POMGNT1: variants seen among roughly 807,000 people sequenced by gnomAD.
The protein encoded by POMGNT1 is protein O-linked-mannose beta-1,2-N-acetylglucosaminyltransferase 1.
Under a neutral mutation model 95.6 loss-of-function variants are expected in POMGNT1, and 67 were observed. The observed-to-expected ratio is 0.70, with a 90% CI of 0.58 to 0.86. The LOEUF is 0.86. POMGNT1 is among the 40% of genes least tolerant of loss of function. POMGNT1 has a pLI of 0.00. For synonymous variants in POMGNT1, 298 were observed against 317.9 expected (o/e 0.94, Z 0.66); for missense variants, 719 against 855.2 (o/e 0.84, Z 1.99).
chr1:46,210,278 T>G (rs191074544), intron 1 of POMGNT1, among the ~76,000 whole-genome samples: 69 of 152,294 alleles, frequency 4.5e-4, no homozygotes, highest in Middle Eastern at 3.4e-3. Context: ...GTGTGTGTGT[T>G]TTTTTAATTT....
At chr1:46,195,007 G>A (rs1658116932) in intron 6 of POMGNT1, 46 bp from the exon 7 acceptor site, 1 of 1,583,092 alleles carries the variant, frequency 6.3e-7, no homozygotes. Context: ...ATGGTTCCAG[G>A]AGACCTGGCC....
intron 1 of POMGNT1, among the ~76,000 whole-genome samples, chr1:46,208,595 C>T (rs1214781924): frequency 1.3e-5 from 2 of 152,170 alleles, no homozygotes; most frequent in African/African-American, 4.8e-5. Context: ...GTAATCCCAG[C>T]ATTTTGGGAG....
At chr1:46,192,992 G>A (rs761272203) in intron 13 of POMGNT1, 34 bp from the exon 14 acceptor site, 1 of 1,612,588 alleles carries the variant, frequency 6.2e-7, no homozygotes, top group South Asian at 1.1e-5. Context: ...GGTCCCAAAG[G>A]GGTCTCTCCA....
intron 6 of POMGNT1, 75 bp from the exon 7 acceptor site, chr1:46,195,036 G>C (rs564891289): frequency 7.6e-7 from 1 of 1,315,168 alleles, no homozygotes; most frequent in Non-Finnish European, 1.1e-6. Flanking sequence ...CACGAACTAT[G>C]TAGCAACCTT....
chr1:46,195,779 G>C (rs1658182592), intron 6 of POMGNT1, 32 bp downstream of exon 6: 1 of 1,548,998 alleles, frequency 6.5e-7, no homozygotes, highest in South Asian at 1.2e-5. Flanking sequence ...GAGCTAGGGA[G>C]TAGGGGTCAG....
chr1:46,189,101 G>T lies in POMGNT1; in HGVS notation c.*169C>A. 1 of 1,501,122 alleles carries T rather than the reference G, an allele frequency of 6.7e-7. No homozygotes were observed. Among genetic ancestry groups the T allele is most frequent in the Non-Finnish European group, 8.9e-7 (1 of 1,129,268 alleles). The allele number at this position is 1,501,122 out of a possible 1,614,324, so 93.0% of individuals were successfully genotyped here. On this transcript the variant is annotated 3_prime_UTR_variant, in exon 22 of 22. Coordinates refer to ENST00000371984, the MANE Select transcript of POMGNT1 (RefSeq NM_017739.4). ...AAATAGACTTTTAACTCAGGAACGGGGTGTTGGAGCAGGGGAACCCTCCCC... is the reference window on the plus strand; with the variant it reads ...AAATAGACTTTTAACTCAGGAACGGTGTGTTGGAGCAGGGGAACCCTCCCC...
In POMGNT1 at chr1:46,193,942, G is replaced by A. The variant is rs770913720; in HGVS notation, c.880-17C>T. ...GTCTGGGAGCTGTGGGAGAAATAGC[G>A]TTTAGCTCTTGCCTTATTCCCCCTT... On this transcript the variant is annotated splice_polypyrimidine_tract_variant and intron_variant, in intron 9 of 21. Transcript: ENST00000371984. The A allele has an allele frequency of 1.2e-5, 19 of 1,613,738 alleles. No individual in the cohort carries two copies. The highest frequency in any genetic ancestry group is 4.0e-5 in the African/African-American group (3 of 74,908).
In POMGNT1 at chr1:46,210,059, A is replaced by G. The variant is rs558736026; in HGVS notation, c.-51+9646T>C. ...GTACAGTCTGATATTGCAGTTATTT[A>G]TGTTCATCTCCCCTTATTGAGACTG... On this transcript the variant is annotated intron_variant, in intron 1 of 22. Transcript: ENST00000371992. Among the ~76,000 whole-genome samples, 5 of 152,268 alleles carry G rather than the reference A, an allele frequency of 3.3e-5. No individual in the cohort carries two copies. In the East Asian group the frequency reaches 9.6e-4, roughly 29 times the overall value.
intron 1 of POMGNT1, among the ~76,000 whole-genome samples, chr1:46,219,477 A>G (rs944647080): frequency 6.6e-6 from 1 of 152,192 alleles, no homozygotes; most frequent in African/African-American, 2.4e-5. Context: ...CTGTTTTACA[A>G]ACAAAGAGAC....
At position 46,194,296 on chromosome 1, in the gene POMGNT1, G is replaced by T. The variant is rs1164161791; in HGVS notation, c.857C>A (p.Pro286His). 5.0e-6 allele frequency: 8 copies of T among 1,614,162 alleles called. No individual in the cohort carries two copies. In the East Asian group the frequency reaches 1.6e-4, roughly 31 times the overall value. The change falls in exon 9 of 22, where the codon CCC (proline) becomes CAC (histidine). Residue 286 changes from proline to histidine, a missense_variant. Around this residue, in one of 5 missense-constraint regions of POMGNT1, gnomAD observed 466 missense variants for 517.4 expected, o/e 0.90. Transcript: ENST00000371984. ...GSVCSCKDPT[P>H]IEFSPDPLPD... ...CACTGGGTCAGGGCTGAACTCGATG[G>T]GTGTGGGGTCCTTGCAGCTGCATAC...
At position 46,207,389 on chromosome 1, in the gene POMGNT1, C is replaced by T. The variant is rs150646841; in HGVS notation, c.-50-9518G>A. Among the ~76,000 whole-genome samples, 242 of 151,386 alleles carry T rather than the reference C, an allele frequency of 1.6e-3. 1 individual carries two copies. The highest frequency in any genetic ancestry group is 2.3e-3 in the Non-Finnish European group (156 of 67,776). ...GCCACTGCGCCCATCCTAGCTGAGT[C>T]CTTCTTAACCTTAAATTTTCAGCTC... On this transcript the variant is annotated intron_variant, in intron 1 of 22. Coordinates refer to the POMGNT1 transcript ENST00000371992.
intron 1 of POMGNT1, among the ~76,000 whole-genome samples, chr1:46,218,207 C>T (rs900218582): frequency 6.6e-6 from 1 of 152,112 alleles, no homozygotes; most frequent in Non-Finnish European, 1.5e-5. Flanking sequence ...ACCTGGGCAA[C>T]AAGGTGAGAC....
chr1:46,213,935 T>C (rs1658981477), intron 1 of POMGNT1, among the ~76,000 whole-genome samples: 1 of 151,716 alleles, frequency 6.6e-6, no homozygotes, highest in South Asian at 2.1e-4. Context: ...AGGCTCAGAG[T>C]TGGCAAGCTT....
In POMGNT1 at chr1:46,188,858, G is replaced by A; in HGVS notation, c.*412C>T. Reference sequence around the variant, plus strand: ...TGGGTTGGGCACAGCAGTTTCCTGAGTAAGAGCCAGCCCCACCCTCAGGGC... The same window carrying A: ...TGGGTTGGGCACAGCAGTTTCCTGAATAAGAGCCAGCCCCACCCTCAGGGC... On this transcript the variant is annotated 3_prime_UTR_variant, in exon 22 of 22. Transcript: ENST00000371984. 6.2e-7 allele frequency: 1 copy of A among 1,612,894 alleles called. No individual in the cohort carries two copies. Among genetic ancestry groups the A allele is most frequent in the Non-Finnish European group, 8.5e-7 (1 of 1,179,890 alleles).
intron 2 of POMGNT1, 34 bp downstream of exon 2, chr1:46,197,668 C>T (rs1479953399): frequency 3.1e-6 from 5 of 1,613,446 alleles, no homozygotes; most frequent in East Asian, 2.2e-5. Flanking sequence ...TGGGAGGGAG[C>T]GCTCGGTGGG....
In POMGNT1 at chr1:46,188,964, T is replaced by G; in HGVS notation, c.*306A>C. 6.2e-7 allele frequency: 1 copy of G among 1,611,050 alleles called. No homozygotes were observed. Among genetic ancestry groups the G allele is most frequent in the African/African-American group, 1.3e-5 (1 of 74,986 alleles). ...CCCTCAGGACAGTCAATAAATAGGT[T>G]AGATTCTGAGCCAGGCCTGGAAAGT... is the stretch of plus-strand genomic sequence containing the variant. On this transcript the variant is annotated 3_prime_UTR_variant, in exon 22 of 22. Transcript: ENST00000371984.
At chr1:46,209,549 CTT>C (rs397745964) in intron 1 of POMGNT1, among the ~76,000 whole-genome samples, 2 of 127,540 alleles carry the variant, frequency 1.6e-5, no homozygotes, top group Non-Finnish European at 1.7e-5. Flanking sequence ...TTTTTTTTTT[CTT>C]TTTTTTTTTT....
Position 46,196,765 on chromosome 1 carries a change from C to T in POMGNT1, c.320G>A (p.Arg107His), listed in dbSNP as rs527454065. ...ATCCACTGCCACATATACTTTGCTGCGACTTGAATACACCTCTACGTCCAG... is the reference window on the plus strand; with the variant it reads ...ATCCACTGCCACATATACTTTGCTGTGACTTGAATACACCTCTACGTCCAG... Reference protein sequence around the residue: ...RVLDVEVYSSRSKVYVAVDGT... With the variant: ...RVLDVEVYSSHSKVYVAVDGT... The change falls in exon 4 of 22, where the codon CGC becomes CAC. Residue 107 changes from arginine to histidine, a missense_variant. By Grantham distance (29) the Arg-to-His change is conservative. This residue lies in a region of POMGNT1 where 466 missense variants were observed against 517.4 expected (regional missense o/e 0.90). Coordinates refer to ENST00000371984, the MANE Select transcript of POMGNT1 (RefSeq NM_017739.4). This position sits in a 1 kb window ranked among gnomAD's most constrained non-coding sequence, Gnocchi z 4.4. 9.9e-6 allele frequency: 16 copies of T among 1,614,190 alleles called. No homozygotes were observed. The highest frequency in any genetic ancestry group is 8.9e-5 in the East Asian group (4 of 44,890).
intron 13 of POMGNT1, 35 bp downstream of exon 13, chr1:46,193,139 C>T (rs371209133): frequency 3.7e-6 from 6 of 1,613,870 alleles, no homozygotes; most frequent in East Asian, 2.2e-5. Context: ...TGTTTCCCCC[C>T]TCCCAGGCCC....
Sources: gnomAD v4.1 joint callset for allele counts (sites outside exome capture counted in the v4.1 genomes callset) on GRCh38, gnomAD v4.1.1 for gene constraint, gnomAD v4.1.1 regional missense constraint, Gnocchi (gnomAD v3.1) non-coding constraint, MANE v1.5 for transcripts, NCBI Gene and HGNC (gene_info 2026-07-23, HGNC 2026-07-21) for gene names.